Variants in RBFOX1 observed in about 807,000 individuals in gnomAD.
RBFOX1 encodes RNA binding protein fox-1 homolog 1.
A neutral mutation model predicts 57.7 loss-of-function variants in RBFOX1; 8 were observed. The ratio of observed to expected loss-of-function variants is 0.14; its 90% CI spans 0.08 to 0.25. RBFOX1 has a LOEUF of 0.25. Among genes scored for constraint, RBFOX1 ranks in the 10% least tolerant of loss-of-function variants. The pLI, the probability that RBFOX1 is intolerant of heterozygous loss-of-function variation, is 1.00. For synonymous variants in RBFOX1, 326 were observed against 222.4 expected (o/e 1.47, Z -4.15); for missense variants, 611 against 548.5 (o/e 1.11, Z -1.14).
chr16:7,605,205 T>C (rs978954269), intron 9 of RBFOX1, among the ~76,000 whole-genome samples: 2 of 152,186 alleles, frequency 1.3e-5, no homozygotes, highest in African/African-American at 4.8e-5. Context: ...TTGATCAAAT[T>C]GAAGTCATTT....
chr16:5,718,835 G>T (rs535156198), intron 3 of RBFOX1, among the ~76,000 whole-genome samples: 1 of 152,232 alleles, frequency 6.6e-6, no homozygotes, highest in South Asian at 2.1e-4. Flanking sequence ...CTTGAACCTG[G>T]GAGGCTGAGG....
At chr16:5,577,368 G>T (rs2046496964) in intron 2 of RBFOX1, among the ~76,000 whole-genome samples, 1 of 152,014 alleles carries the variant, frequency 6.6e-6, no homozygotes, top group Non-Finnish European at 1.5e-5. Flanking sequence ...TTGGCGGGGG[G>T]GTCTCACCTC....
intron 4 of RBFOX1, among the ~76,000 whole-genome samples, chr16:7,179,837 C>T (rs1415750393): frequency 3.9e-5 from 6 of 151,962 alleles, no homozygotes; most frequent in East Asian, 1.9e-4. Flanking sequence ...CAGGTTCAAG[C>T]GATTCTCCTG....
At chr16:7,261,542 TTGCTC>T (rs1306919504) in intron 4 of RBFOX1, among the ~76,000 whole-genome samples, 2 of 152,132 alleles carry the variant, frequency 1.3e-5, no homozygotes, top group Non-Finnish European at 2.9e-5. Context: ...GGCAGTAACT[TTGCTC>T]TGAGCTCTTG....
chr16:5,299,414 T>C (rs1463222851), intron 1 of RBFOX1, among the ~76,000 whole-genome samples: 1 of 152,242 alleles, frequency 6.6e-6, no homozygotes, highest in Non-Finnish European at 1.5e-5. Context: ...TACCAAACTT[T>C]GTGTGAACAT....
intron 4 of RBFOX1, among the ~76,000 whole-genome samples, chr16:7,136,822 A>G (rs1029789928): frequency 7.9e-5 from 12 of 152,200 alleles, no homozygotes; most frequent in African/African-American, 2.9e-4. Flanking sequence ...GGCAACAAAA[A>G]TCTCTGTACC....
intron 1 of RBFOX1, among the ~76,000 whole-genome samples, chr16:6,245,650 C>G (rs1031334239): frequency 1.3e-5 from 2 of 152,182 alleles, no homozygotes; most frequent in African/African-American, 4.8e-5. Context: ...TTTGTATGCA[C>G]TCTTGATGAT....
At chr16:5,852,552 G>C (rs1458729615) in intron 3 of RBFOX1, among the ~76,000 whole-genome samples, 2 of 152,166 alleles carry the variant, frequency 1.3e-5, no homozygotes, top group Non-Finnish European at 2.9e-5. Context: ...AACTGTTGTG[G>C]CACCTTTGGG....
chr16:6,156,088 C>T (rs1008018680), intron 1 of RBFOX1, among the ~76,000 whole-genome samples: 1 of 152,158 alleles, frequency 6.6e-6, no homozygotes, highest in Non-Finnish European at 1.5e-5. Context: ...GATTCAAGAC[C>T]TCCCCTTTGT....
intron 3 of RBFOX1, among the ~76,000 whole-genome samples, chr16:5,681,118 G>C (rs1057117252): frequency 6.6e-6 from 1 of 152,030 alleles, no homozygotes; most frequent in East Asian, 1.9e-4. Flanking sequence ...CTGTCACCCA[G>C]TCTGGAGTGC....
intron 3 of RBFOX1, among the ~76,000 whole-genome samples, chr16:6,748,604 A>G (rs1384819314): frequency 6.6e-6 from 1 of 152,166 alleles, no homozygotes; most frequent in Non-Finnish European, 1.5e-5. Context: ...GGCTGTTGTG[A>G]GTTATAATTA....
intron 2 of RBFOX1, among the ~76,000 whole-genome samples, chr16:6,579,354 C>T (rs530341121): frequency 1.3e-5 from 2 of 152,204 alleles, no homozygotes; most frequent in African/African-American, 2.4e-5. Flanking sequence ...TATGCATGCA[C>T]CACCACACCT....
At chr16:7,136,462 A>G (rs1177586360) in intron 4 of RBFOX1, among the ~76,000 whole-genome samples, 1 of 140,756 alleles carries the variant, frequency 7.1e-6, no homozygotes, top group Non-Finnish European at 1.5e-5. Context: ...GCTGGAGGGC[A>G]GTGGTGCAAT....
chr16:5,905,654 C>A (rs2058438981), intron 4 of RBFOX1, among the ~76,000 whole-genome samples: 1 of 152,100 alleles, frequency 6.6e-6, no homozygotes, highest in South Asian at 2.1e-4. Flanking sequence ...GTGAACATAC[C>A]ACTCCACTCC....
chr16:6,183,899 G>A (rs2152796866), intron 1 of RBFOX1, among the ~76,000 whole-genome samples: 1 of 152,284 alleles, frequency 6.6e-6, no homozygotes, highest in South Asian at 2.1e-4. Flanking sequence ...AGGAAAAGAA[G>A]CCATTGGAGG....
At chr16:7,347,166 T>G (rs1410833799) in intron 4 of RBFOX1, among the ~76,000 whole-genome samples, 2 of 152,130 alleles carry the variant, frequency 1.3e-5, no homozygotes, top group Non-Finnish European at 2.9e-5. Flanking sequence ...TTGTCGTAAG[T>G]GGATGGGGGT....
intron 4 of RBFOX1, among the ~76,000 whole-genome samples, chr16:5,929,558 G>A (rs751674763): frequency 2.0e-5 from 3 of 152,252 alleles, no homozygotes; most frequent in South Asian, 2.1e-4. Flanking sequence ...GCAAGACAAA[G>A]GTTCCATGTT....
intron 5 of RBFOX1, among the ~76,000 whole-genome samples, chr16:7,549,703 G>A (rs1378529950): frequency 6.6e-6 from 1 of 152,126 alleles, no homozygotes; most frequent in Non-Finnish European, 1.5e-5. Flanking sequence ...GACTGGGCCA[G>A]TTTAGTCTTT....
intron 3 of RBFOX1, among the ~76,000 whole-genome samples, chr16:5,681,779 G>C (rs1325291440): frequency 1.3e-5 from 2 of 152,108 alleles, no homozygotes; most frequent in East Asian, 3.9e-4. Flanking sequence ...TTAACAACAT[G>C]TGCAAAGGCC....
Sources: allele counts gnomAD v4.1 joint callset (sites outside exome capture counted in the v4.1 genomes callset), GRCh38; gene constraint gnomAD v4.1.1; transcripts MANE v1.5; gene names NCBI Gene and HGNC (gene_info 2026-07-23, HGNC 2026-07-21).